The following CLTCL1 variants were observed in gnomAD, a reference collection of about 807,000 sequenced individuals.
CLTCL1 encodes clathrin heavy chain 2.
In CLTCL1, 159 loss-of-function variants were observed where a neutral mutation model predicts 190.0. The ratio of observed to expected loss-of-function variants is 0.84; its 90% confidence interval spans 0.74 to 0.95. The LOEUF is 0.95. Among genes scored for constraint, CLTCL1 ranks in the 40% least tolerant of loss-of-function variants. The pLI is 0.00. For synonymous variants in CLTCL1, 752 were observed against 769.6 expected (o/e 0.98, Z 0.38); for missense variants, 1,878 against 2,033.4 (o/e 0.92, Z 1.47).
intron 26 of CLTCL1, 122 bp downstream of exon 26, chr22:19,196,144 G>A (rs1270633692): frequency 1.0e-6 from 1 of 974,714 alleles, no homozygotes; most frequent in African/African-American, 1.6e-5. Context: ...TCATACAAGT[G>A]AACGCACACA....
chr22:19,185,561 T>C (rs2146206371), intron 29 of CLTCL1, among the ~76,000 whole-genome samples: 1 of 152,252 alleles, frequency 6.6e-6, no homozygotes, highest in East Asian at 1.9e-4. Context: ...CTCCTGATCC[T>C]GTGATCCGCC....
intron 21 of CLTCL1, 81 bp downstream of exon 21, chr22:19,208,841 T>G: frequency 2.3e-5 from 26 of 1,153,254 alleles, no homozygotes; most frequent in Admixed American, 2.6e-5. Flanking sequence ...TAGAGATTTG[T>G]GAGAATCTCT....
At chr22:19,237,510 T>G (rs1049828408) in intron 5 of CLTCL1, among the ~76,000 whole-genome samples, 2 of 152,152 alleles carry the variant, frequency 1.3e-5, no homozygotes, top group African/African-American at 4.8e-5. Flanking sequence ...GGAGAGTCTG[T>G]GATGAGAGTG....
At chr22:19,188,618 T>C (rs1232757036) in intron 27 of CLTCL1, among the ~76,000 whole-genome samples, 2 of 150,662 alleles carry the variant, frequency 1.3e-5, no homozygotes, top group East Asian at 1.9e-4. Context: ...CTTTTTCTTT[T>C]TTTTTTTTTT....
chr22:19,193,905 C>T (rs1449662786), intron 26 of CLTCL1, among the ~76,000 whole-genome samples: 1 of 152,216 alleles, frequency 6.6e-6, no homozygotes, highest in East Asian at 1.9e-4. Flanking sequence ...TGAGCAGCAG[C>T]AAGACTGATT....
In CLTCL1 at chr22:19,180,808, T is replaced by A. The variant is rs1555925503; in HGVS notation, c.4828-2A>T. ...CTCCAAGGCATCCAGTTTGTCCACC[T>A]GCAAGGAGGCAAAAGCACGTGAGCA... On this transcript the variant is annotated splice_acceptor_variant, in intron 30 of 32. Transcript: ENST00000427926. LOFTEE classifies it high-confidence loss of function. The A allele has an allele frequency of 6.2e-7, 1 of 1,613,726 alleles. No homozygotes were observed. The highest frequency in any genetic ancestry group is 2.2e-5 in the East Asian group (1 of 44,882).
At chr22:19,264,980 G>C (rs189062116) in intron 2 of CLTCL1, among the ~76,000 whole-genome samples, 14 of 152,076 alleles carry the variant, frequency 9.2e-5, no homozygotes, top group Middle Eastern at 3.4e-3. Context: ...GTAGAGACAG[G>C]GTTTCACCAT....
intron 3 of CLTCL1, among the ~76,000 whole-genome samples, chr22:19,243,371 C>T (rs115159529): frequency 0.035 from 5,326 of 152,232 alleles, 320 homozygotes; most frequent in African/African-American, 0.12. Flanking sequence ...TGGCTCACAC[C>T]TGCAATCCTA....
At chr22:19,249,569 A>T (rs2086525320) in intron 3 of CLTCL1, among the ~76,000 whole-genome samples, 1 of 150,496 alleles carries the variant, frequency 6.6e-6, no homozygotes, top group East Asian at 2.0e-4. Context: ...GGTGGTGCAC[A>T]TCTATAATCC....
At chr22:19,216,087 C>T (rs2085376269) in intron 19 of CLTCL1, 24 bp downstream of exon 19, 3 of 1,611,110 alleles carry the variant, frequency 1.9e-6, no homozygotes, top group Middle Eastern at 1.7e-4. Flanking sequence ...CCTGTGTCCA[C>T]AGCTACCCCT....
intron 2 of CLTCL1, among the ~76,000 whole-genome samples, chr22:19,265,689 C>T (rs2087100480): frequency 6.6e-6 from 1 of 152,030 alleles, no homozygotes; most frequent in Non-Finnish European, 1.5e-5. Context: ...CCTACAGCAA[C>T]CACCATAAAA....
At chr22:19,236,944 G>C (rs1297470548) in intron 5 of CLTCL1, among the ~76,000 whole-genome samples, 1 of 151,980 alleles carries the variant, frequency 6.6e-6, no homozygotes, top group Non-Finnish European at 1.5e-5. Context: ...AATTCCAGAT[G>C]GGTCAAAGAT....
intron 2 of CLTCL1, chr22:19,257,804 C>G: frequency 7.0e-7 from 1 of 1,428,890 alleles, no homozygotes; most frequent in Non-Finnish European, 9.3e-7. Context: ...TGGCCTCCTA[C>G]CTGGACAGAG....
chr22:19,200,403 T>C (rs59429582), intron 23 of CLTCL1, among the ~76,000 whole-genome samples: 7,212 of 152,330 alleles, frequency 0.047, 596 homozygotes, highest in African/African-American at 0.16. Flanking sequence ...ACCAGCACCC[T>C]GACAAATTTC....
Position 19,191,119 on chromosome 22 carries a change from A to G in CLTCL1, c.4323+185T>C, listed in dbSNP as rs377355313. On this transcript the variant is annotated intron_variant, in intron 27 of 32. Coordinates refer to ENST00000427926, the MANE Select transcript of CLTCL1 (RefSeq NM_007098.4). ...AAAAAACACAGAATTTGAGAAGCAC[A>G]ATAAAATGAAGCATGATACGGGAGG... 5.7e-4 allele frequency among the ~76,000 whole-genome samples: 87 copies of G among 152,352 alleles called. 1 individual carries two copies. The highest frequency in any genetic ancestry group is 2.0e-3 in the African/African-American group (83 of 41,588).
rs564602331 is a variant in CLTCL1 at position 19,196,749 on chromosome 22, G to A, written c.3874-93C>T. ...TGCCCACGCCGCAGGGACTGTGCTT[G>A]TGACTGGGAATGATCCCGAGGAGGC... On this transcript the variant is annotated intron_variant, in intron 24 of 32. Coordinates refer to ENST00000427926, the MANE Select transcript of CLTCL1 (RefSeq NM_007098.4). The A allele has an allele frequency of 5.6e-5, 78 of 1,402,508 alleles. No homozygotes were observed. In the South Asian group the frequency reaches 6.3e-4, roughly 11 times the overall value. 86.9% of individuals were successfully genotyped at this position (1,402,508 alleles called of 1,614,324 possible).
chr22:19,197,224 C>T (rs1555936412), intron 24 of CLTCL1, among the ~76,000 whole-genome samples: 1 of 152,170 alleles, frequency 6.6e-6, no homozygotes, highest in Non-Finnish European at 1.5e-5. Flanking sequence ...ACTCTAACGA[C>T]CACAGCCCTG....
intron 2 of CLTCL1, among the ~76,000 whole-genome samples, chr22:19,272,645 A>G (rs1555981270): frequency 1.3e-5 from 2 of 151,802 alleles, no homozygotes; most frequent in African/African-American, 4.8e-5. Context: ...TAATTTTTGT[A>G]TTTTTAGTAG....
chr22:19,192,257 G>C (rs1157064030), intron 26 of CLTCL1, among the ~76,000 whole-genome samples: 1 of 151,960 alleles, frequency 6.6e-6, no homozygotes, highest in Non-Finnish European at 1.5e-5. Flanking sequence ...AGTAGAGCCG[G>C]GGTTTCACCG....
Sources: allele counts gnomAD v4.1 joint callset (sites outside exome capture counted in the v4.1 genomes callset), GRCh38; gene constraint gnomAD v4.1.1; transcripts MANE v1.5; gene names NCBI Gene and HGNC (gene_info 2026-07-23, HGNC 2026-07-21).